SPRED1: variants seen among roughly 807,000 people sequenced by gnomAD.
SPRED1 encodes sprouty-related, EVH1 domain-containing protein 1.
Under a neutral mutation model 52.3 loss-of-function variants are expected in SPRED1, and 18 were observed. The ratio of observed to expected loss-of-function variants is 0.34; its 90% CI spans 0.24 to 0.51. The LOEUF (loss-of-function observed/expected upper bound fraction) is 0.51. Ranked by LOEUF, SPRED1 falls within the 20% of genes least tolerant of loss-of-function variation. SPRED1 has a pLI of 0.97. For missense variants in SPRED1, 485 were observed against 551.0 expected, an observed-to-expected ratio of 0.88 and a Z score of 1.20; for synonymous variants, 155 against 179.7, an observed-to-expected ratio of 0.86 and a Z score of 1.10.
intron 1 of SPRED1, among the ~76,000 whole-genome samples, chr15:38,285,549 A>G (rs1229827252): frequency 6.6e-6 from 1 of 152,166 alleles, no homozygotes; most frequent in Non-Finnish European, 1.5e-5. Flanking sequence ...TATGCTTGGC[A>G]TGTTTGAGAA....
chr15:38,256,552 C>T (rs1272071811), intron 1 of SPRED1, among the ~76,000 whole-genome samples: 1 of 152,066 alleles, frequency 6.6e-6, no homozygotes, highest in African/African-American at 2.4e-5. Flanking sequence ...GAAACACTTC[C>T]TGTGTCAGTA....
intron 5 of SPRED1, among the ~76,000 whole-genome samples, chr15:38,347,398 T>C (rs1008473406): frequency 4.0e-5 from 6 of 151,304 alleles, no homozygotes; most frequent in South Asian, 4.2e-4. Context: ...GTAGAAATGC[T>C]GTAGCTCTAT....
At chr15:38,264,562 T>C (rs1051861510) in intron 1 of SPRED1, among the ~76,000 whole-genome samples, 2 of 56,794 alleles carry the variant, frequency 3.5e-5, no homozygotes, top group African/African-American at 7.2e-5. Context: ...TCTGCTAAAA[T>C]GTTTTTTTTA....
At chr15:38,285,822 G>T (rs1450169951) in intron 1 of SPRED1, among the ~76,000 whole-genome samples, 1 of 152,136 alleles carries the variant, frequency 6.6e-6, no homozygotes, top group Non-Finnish European at 1.5e-5. Context: ...TAGCCCATCG[G>T]TATTTTAAAC....
At chr15:38,283,451 T>TATTTTGTGAAATATATTACAG in intron 1 of SPRED1, 1 of 921,246 alleles carries the variant, frequency 1.1e-6, no homozygotes, top group Middle Eastern at 5.6e-4. Flanking sequence ...TCAGCATGTT[T>TATTTTGTGAAATATATTACAG]ATTTTGTGAA....
chr15:38,311,152 C>T (rs1026363957), intron 2 of SPRED1, among the ~76,000 whole-genome samples: 1 of 152,044 alleles, frequency 6.6e-6, no homozygotes, highest in Non-Finnish European at 1.5e-5. Context: ...TGTATCATGA[C>T]TAGATATTGG....
chr15:38,281,855 A>T (rs1472626399), intron 1 of SPRED1, among the ~76,000 whole-genome samples: 1 of 152,062 alleles, frequency 6.6e-6, no homozygotes, highest in Non-Finnish European at 1.5e-5. Flanking sequence ...GACCCCAATT[A>T]ATCCTTTGGA....
intron 2 of SPRED1, among the ~76,000 whole-genome samples, chr15:38,313,655 ATAT>A (rs1895413893): frequency 6.6e-6 from 1 of 151,246 alleles, no homozygotes; most frequent in South Asian, 2.1e-4. Context: ...ATATTATATC[ATAT>A]TATATTCTAA....
At chr15:38,293,998 T>C (rs16966665) in intron 1 of SPRED1, among the ~76,000 whole-genome samples, 18,440 of 152,146 alleles carry the variant, frequency 0.12, 1,926 homozygotes, top group East Asian at 0.54. Flanking sequence ...ATCATAACTT[T>C]TCAATTTTGT....
At chr15:38,295,384 ATGT>A (rs1450264406) in intron 1 of SPRED1, among the ~76,000 whole-genome samples, 1 of 152,186 alleles carries the variant, frequency 6.6e-6, no homozygotes, top group Non-Finnish European at 1.5e-5. Context: ...GCTGTACAGC[ATGT>A]TGTTGTACTG....
At chr15:38,339,669 GTA>G in intron 4 of SPRED1, 66 bp from the exon 5 acceptor site, 1 of 1,510,796 alleles carries the variant, frequency 6.6e-7, no homozygotes, top group Non-Finnish European at 9.2e-7. Flanking sequence ...TAGAGTGAAA[GTA>G]TCTTATTTTG....
intron 3 of SPRED1, among the ~76,000 whole-genome samples, chr15:38,323,680 T>C (rs1341279694): frequency 6.6e-6 from 1 of 152,100 alleles, no homozygotes; most frequent in East Asian, 1.9e-4. Context: ...GATTCTGATA[T>C]ATTTTGGTTT....
intron 1 of SPRED1, among the ~76,000 whole-genome samples, chr15:38,259,754 AGTTT>A (rs1894170331): frequency 6.6e-6 from 1 of 152,236 alleles, no homozygotes; most frequent in South Asian, 2.1e-4. Flanking sequence ...ACTGTATATT[AGTTT>A]AAGAAGTTAA....
intron 5 of SPRED1, among the ~76,000 whole-genome samples, chr15:38,348,448 G>A (rs998726278): frequency 9.9e-5 from 15 of 151,656 alleles, no homozygotes; most frequent in Non-Finnish European, 2.1e-4. Context: ...GTCTGTGTGT[G>A]TAAAAATTTT....
chr15:38,316,623 A>G (rs747499641), intron 2 of SPRED1, among the ~76,000 whole-genome samples: 1 of 151,682 alleles, frequency 6.6e-6, no homozygotes, highest in Non-Finnish European at 1.5e-5. Context: ...CAGCAATTAT[A>G]TTGTACTCCA....
intron 1 of SPRED1, among the ~76,000 whole-genome samples, chr15:38,288,614 C>G (rs1056366488): frequency 1.3e-5 from 2 of 152,062 alleles, no homozygotes; most frequent in African/African-American, 4.8e-5. Context: ...TCTAGAGCCC[C>G]ACGGTAGAAG....
chr15:38,294,648 T>C (rs1031478642), intron 1 of SPRED1, among the ~76,000 whole-genome samples: 1 of 152,180 alleles, frequency 6.6e-6, no homozygotes, highest in African/African-American at 2.4e-5. Context: ...ACAGATAATT[T>C]ATTTTAGAAA....
At chr15:38,286,024 G>C (rs1190646085) in intron 1 of SPRED1, among the ~76,000 whole-genome samples, 1 of 152,052 alleles carries the variant, frequency 6.6e-6, no homozygotes, top group Non-Finnish European at 1.5e-5. Flanking sequence ...AGGGAGGTTT[G>C]CTTGAGGCCA....
intron 2 of SPRED1, among the ~76,000 whole-genome samples, chr15:38,310,997 G>T (rs1278036066): frequency 2.0e-5 from 3 of 152,176 alleles, no homozygotes; most frequent in African/African-American, 7.2e-5. Flanking sequence ...GAATACAATG[G>T]TAGTAGAGTA....
Sources: allele counts gnomAD v4.1 joint callset (sites outside exome capture counted in the v4.1 genomes callset), GRCh38; gene constraint gnomAD v4.1.1; transcripts MANE v1.5; gene names NCBI Gene and HGNC (gene_info 2026-07-23, HGNC 2026-07-21).